DLGAP2: variants seen among roughly 807,000 people sequenced by gnomAD.
DLGAP2 encodes DLG associated protein 2, also known as disks large-associated protein 2.
DLGAP2 carries 26 observed loss-of-function variants against 100.3 expected under a neutral mutation model. That is an observed-to-expected ratio of 0.26 (90% CI 0.19 to 0.36). The LOEUF is 0.36. Among genes scored for constraint, DLGAP2 ranks in the 10% least tolerant of loss-of-function variants. The probability of loss-of-function intolerance (pLI) is 1.00; values close to 1 mark genes in which losing one functional copy is unlikely to be tolerated. For missense variants in DLGAP2, 1,858 were observed against 1,453.2 expected (o/e 1.28, Z -4.53); for synonymous variants, 886 against 630.1 (o/e 1.41, Z -6.08).
rs140380464 is a variant in DLGAP2 at position 1,224,457 on chromosome 8, C to G, written c.74-34394C>G. Reference sequence around the variant, plus strand: ...ACAAGTTCATTTTTAAAGGTACTTTCACATTCAGGTGTTTATTTCATCTCA... The same window carrying G: ...ACAAGTTCATTTTTAAAGGTACTTTGACATTCAGGTGTTTATTTCATCTCA... On this transcript the variant is annotated intron_variant, in intron 2 of 14. Transcript: ENST00000637795. Among the ~76,000 whole-genome samples, 604 of 152,218 alleles carry G rather than the reference C, an allele frequency of 4.0e-3. 1 individual carries two copies. The highest frequency in any genetic ancestry group is 0.02 in the Middle Eastern group (6 of 294).
chr8:1,070,553 G>A lies in DLGAP2; in HGVS notation c.73+162587G>A, dbSNP rs145004298. On this transcript the variant is annotated intron_variant, in intron 2 of 14. Transcript: ENST00000637795. ...TATCTCACAGGTGAGGGGCGATTTC[G>A]GCACTGTCCAATGTCTACTCATGTT... Among the ~76,000 whole-genome samples, 579 of 152,166 alleles carry A rather than the reference G, an allele frequency of 3.8e-3. 4 individuals carry two copies. Among genetic ancestry groups the A allele is most frequent in the African/African-American group, 0.013 (531 of 41,516 alleles).
At position 783,764 on chromosome 8, in the gene DLGAP2, A is replaced by G. The variant is rs1003656141; in HGVS notation, c.18+45939A>G. ...GGTGTACCCTCCCACCACATCCGGA[A>G]TCTTGCAGGGAGTGTTGCCCTTGGG... On this transcript the variant is annotated intron_variant, in intron 1 of 14. Coordinates refer to ENST00000637795, the MANE Select transcript of DLGAP2 (RefSeq NM_001346810.2). 1.2e-4 allele frequency among the ~76,000 whole-genome samples: 19 copies of G among 152,132 alleles called. 1 individual carries two copies. The highest frequency in any genetic ancestry group is 1.2e-3 in the Admixed American group (18 of 15,258).
intron 2 of DLGAP2, among the ~76,000 whole-genome samples, chr8:1,191,150 A>C (rs1034646325): frequency 6.6e-6 from 1 of 151,594 alleles, no homozygotes; most frequent in Non-Finnish European, 1.5e-5. Context: ...CTTGTAACTA[A>C]GTGTTTCAAT....
intron 1 of DLGAP2, among the ~76,000 whole-genome samples, chr8:790,760 T>G (rs1368682608): frequency 6.6e-6 from 1 of 152,178 alleles, no homozygotes; most frequent in African/African-American, 2.4e-5. Context: ...GTGTGTGTGT[T>G]TTTGAAACAG....
At chr8:796,355 C>A (rs1042910168) in intron 1 of DLGAP2, among the ~76,000 whole-genome samples, 1 of 152,066 alleles carries the variant, frequency 6.6e-6, no homozygotes, top group African/African-American at 2.4e-5. Context: ...CTGTCACGGC[C>A]CCTCCGAGAC....
intron 3 of DLGAP2, among the ~76,000 whole-genome samples, chr8:1,488,431 T>G (rs1315579321): frequency 6.6e-6 from 1 of 152,056 alleles, no homozygotes; most frequent in East Asian, 1.9e-4. Context: ...GAAAGAGAAT[T>G]GGGAATGGGC....
At chr8:1,524,211 A>C (rs1800713177) in intron 4 of DLGAP2, among the ~76,000 whole-genome samples, 1 of 152,142 alleles carries the variant, frequency 6.6e-6, no homozygotes, top group Admixed American at 6.5e-5. Context: ...TCATGTTCCC[A>C]GAGCCCATCT....
At chr8:1,105,288 T>A (rs1276287884) in intron 2 of DLGAP2, among the ~76,000 whole-genome samples, 1 of 152,240 alleles carries the variant, frequency 6.6e-6, no homozygotes, top group Admixed American at 6.5e-5. Flanking sequence ...AAGTGAAGAC[T>A]CTACCACAGT....
intron 2 of DLGAP2, among the ~76,000 whole-genome samples, chr8:1,007,617 A>G (rs1018505975): frequency 7.8e-6 from 1 of 128,820 alleles, no homozygotes; most frequent in Non-Finnish European, 1.6e-5. Context: ...GGTCTTCTCT[A>G]TGGGTAGTTT....
intron 2 of DLGAP2, among the ~76,000 whole-genome samples, chr8:950,871 G>A (rs941981973): frequency 2.0e-5 from 3 of 151,870 alleles, no homozygotes; most frequent in East Asian, 1.9e-4. Flanking sequence ...TGGTCCACCC[G>A]CCTCAACTTC....
intron 2 of DLGAP2, among the ~76,000 whole-genome samples, chr8:1,121,257 C>T (rs1197169572): frequency 6.6e-6 from 1 of 151,602 alleles, no homozygotes; most frequent in Non-Finnish European, 1.5e-5. Flanking sequence ...ATCCTCGTCC[C>T]TTCAGAACCC....
chr8:1,355,722 G>A (rs1801833101), intron 3 of DLGAP2, among the ~76,000 whole-genome samples: 1 of 152,160 alleles, frequency 6.6e-6, no homozygotes, highest in Non-Finnish European at 1.5e-5. Context: ...GGTAGCCACA[G>A]AGCTCTGAAC....
intron 2 of DLGAP2, among the ~76,000 whole-genome samples, chr8:999,120 C>G (rs897058365): frequency 3.3e-5 from 5 of 152,066 alleles, no homozygotes; most frequent in Non-Finnish European, 7.3e-5. Context: ...CTAGTTAGGA[C>G]ATTTTCTGAT....
chr8:1,374,950 C>T (rs533350600), intron 3 of DLGAP2, among the ~76,000 whole-genome samples: 1 of 151,684 alleles, frequency 6.6e-6, no homozygotes, highest in South Asian at 2.1e-4. Flanking sequence ...TCCTCACTGA[C>T]AGCAGGTGGT....
chr8:1,111,676 G>A (rs199675636), intron 2 of DLGAP2, among the ~76,000 whole-genome samples: 3 of 152,012 alleles, frequency 2.0e-5, no homozygotes, highest in African/African-American at 7.3e-5. Flanking sequence ...CTCTTCCTGG[G>A]TTAGTTTGCT....
At chr8:864,568 A>G (rs549527802) in intron 1 of DLGAP2, among the ~76,000 whole-genome samples, 1 of 152,336 alleles carries the variant, frequency 6.6e-6, no homozygotes, top group South Asian at 2.1e-4. Context: ...AGAGACTTGG[A>G]TTATCAAGCT....
chr8:1,204,149 C>G (rs1017292018), intron 2 of DLGAP2, among the ~76,000 whole-genome samples: 1 of 152,238 alleles, frequency 6.6e-6, no homozygotes, highest in African/African-American at 2.4e-5. Flanking sequence ...TGCCGGTCCA[C>G]AGACCAGAGT....
intron 2 of DLGAP2, among the ~76,000 whole-genome samples, chr8:1,197,801 T>C (rs1354311891): frequency 6.6e-6 from 1 of 152,240 alleles, no homozygotes; most frequent in African/African-American, 2.4e-5. Context: ...CACTACCTTT[T>C]TCATCTCCTG....
At chr8:751,746 C>T (rs190236268) in intron 1 of DLGAP2, among the ~76,000 whole-genome samples, 33 of 152,152 alleles carry the variant, frequency 2.2e-4, no homozygotes, top group African/African-American at 7.9e-4. Flanking sequence ...ATAGGAAGTT[C>T]ATCTGACACT....
Sources: gnomAD v4.1 joint callset for allele counts (sites outside exome capture counted in the v4.1 genomes callset) on GRCh38, gnomAD v4.1.1 for gene constraint, MANE v1.5 for transcripts, NCBI Gene and HGNC (gene_info 2026-07-23, HGNC 2026-07-21) for gene names.